EPG5: variants seen among roughly 807,000 people sequenced by gnomAD.
The protein encoded by EPG5 is ectopic P-granules 5 autophagy tethering factor.
Under a neutral mutation model 302.7 loss-of-function variants are expected in EPG5, and 159 were observed. The observed-to-expected ratio is 0.53, with a 90% confidence interval of 0.46 to 0.60. EPG5 has a LOEUF of 0.60. Ranked by LOEUF, EPG5 falls within the 20% of genes least tolerant of loss-of-function variation. The pLI, the probability that EPG5 is intolerant of heterozygous loss-of-function variation, is 0.00. For missense variants in EPG5, 2,896 were observed against 3,092.4 expected (o/e 0.94, Z 1.51); for synonymous variants, 1,158 against 1,136.8 (o/e 1.02, Z -0.37).
intron 27 of EPG5, among the ~76,000 whole-genome samples, chr18:45,893,184 T>G (rs2049389071): frequency 6.6e-6 from 1 of 152,214 alleles, no homozygotes; most frequent in Admixed American, 6.5e-5. Context: ...TGAATCCTGA[T>G]GGAGCTACTC....
intron 1 of EPG5, among the ~76,000 whole-genome samples, chr18:45,961,330 G>A (rs972723893): frequency 4.6e-5 from 7 of 152,110 alleles, no homozygotes; most frequent in Non-Finnish European, 1.0e-4. Flanking sequence ...AAAAGCTCAC[G>A]CAAGGCCCAA....
intron 1 of EPG5, among the ~76,000 whole-genome samples, chr18:45,966,345 C>A (rs188845181): frequency 8.1e-4 from 119 of 146,828 alleles, no homozygotes; most frequent in African/African-American, 2.9e-3. Context: ...CACTGCACTC[C>A]GGCCTGGGCG....
Position 45,867,603 on chromosome 18 carries a change from A to G in EPG5, c.6371T>C (p.Met2124Thr), listed in dbSNP as rs745678786. The G allele has an allele frequency of 3.1e-6, 5 of 1,614,142 alleles. No homozygotes were observed. The highest frequency in any genetic ancestry group is 4.2e-6 in the Non-Finnish European group (5 of 1,180,008). Residue 2124 changes from methionine to threonine, a missense_variant, in exon 37 of 44, where the codon ATG becomes ACG. Met to Thr is a moderately conservative substitution (Grantham distance 81). Transcript: ENST00000282041. The stretch of plus-strand genomic sequence containing the variant: ...TTGAACTTCCTTTGCCAATAAAATC[A>G]TCATGAAAAGGAGGCAGACAATCAT... ...RSMIVCLLFM[M>T]ILLAKEVQLV...
chr18:45,879,026 G>A lies in EPG5; in HGVS notation c.5856C>T (p.Ala1952=), dbSNP rs1485855637. ...GAAGTATATTACCTGTTTTCCTGCTGGCAGTTGGGTCTTGGGCCAAACAGG... is the reference window on the plus strand; with the variant it reads ...GAAGTATATTACCTGTTTTCCTGCTAGCAGTTGGGTCTTGGGCCAAACAGG... ...EMTCLAQDPT[A]SRKTVLKSLH... Residue 1952 remains alanine, a synonymous_variant, in exon 33 of 44, where the codon GCC becomes GCT. Coordinates refer to ENST00000282041, the MANE Select transcript of EPG5 (RefSeq NM_020964.3). 1.2e-6 allele frequency: 2 copies of A among 1,613,894 alleles called. No homozygotes were observed. Among genetic ancestry groups the A allele is most frequent in the Non-Finnish European group, 1.7e-6 (2 of 1,179,918 alleles).
At chr18:45,889,666 G>A (rs751873978) in intron 28 of EPG5, 132 bp downstream of exon 28, 37 of 664,890 alleles carry the variant, frequency 5.6e-5, no homozygotes, top group Non-Finnish European at 8.3e-5. Flanking sequence ...TGACTCAAAG[G>A]CCGTAGTTTG....
intron 39 of EPG5, among the ~76,000 whole-genome samples, chr18:45,863,545 C>T (rs1432520489): frequency 6.6e-6 from 1 of 152,186 alleles, no homozygotes; most frequent in Non-Finnish European, 1.5e-5. Context: ...AACTCAACCT[C>T]CTTCCTAGCA....
At chr18:45,829,403 C>T in the EPG5 span, among the ~76,000 whole-genome samples, 2 of 152,226 alleles carry the variant, frequency 1.3e-5, no homozygotes, top group Admixed American at 6.5e-5. Flanking sequence ...CATTCTTGCC[C>T]TTTCTCTGCT....
intron 35 of EPG5, among the ~76,000 whole-genome samples, chr18:45,875,978 A>C (rs1297991887): frequency 6.6e-6 from 1 of 151,854 alleles, no homozygotes; most frequent in Non-Finnish European, 1.5e-5. Flanking sequence ...AATTGCTTGA[A>C]TCTGGGAGGC....
At chr18:45,861,609 A>G (rs192084965) in intron 39 of EPG5, among the ~76,000 whole-genome samples, 1 of 152,308 alleles carries the variant, frequency 6.6e-6, no homozygotes, top group East Asian at 1.9e-4. Context: ...GCTTGCTGAT[A>G]GTTTTTTTCC....
At chr18:45,802,185 G>C in the EPG5 span, among the ~76,000 whole-genome samples, 12 of 152,134 alleles carry the variant, frequency 7.9e-5, no homozygotes, top group Non-Finnish European at 7.3e-5. Context: ...TCTCCAGTCA[G>C]GGAAGACTGA....
At chr18:45,926,771 C>T (rs1465280870) in intron 13 of EPG5, among the ~76,000 whole-genome samples, 2 of 150,644 alleles carry the variant, frequency 1.3e-5, no homozygotes, top group African/African-American at 4.9e-5. Context: ...GAGATTGAAC[C>T]ACTGCACTCC....
At chr18:45,835,860 G>C in the EPG5 span, among the ~76,000 whole-genome samples, 4 of 152,262 alleles carry the variant, frequency 2.6e-5, no homozygotes, top group African/African-American at 9.6e-5. Context: ...GAAGGAAGAG[G>C]ACAGTGAGGA....
intron 24 of EPG5, among the ~76,000 whole-genome samples, chr18:45,904,984 G>A (rs556220517): frequency 9.3e-4 from 141 of 152,216 alleles, no homozygotes; most frequent in Non-Finnish European, 1.8e-3. Context: ...AGGGGGAGAA[G>A]AGCATGCCCA....
At chr18:45,815,637 A>G in the EPG5 span, among the ~76,000 whole-genome samples, 1 of 152,208 alleles carries the variant, frequency 6.6e-6, no homozygotes, top group Non-Finnish European at 1.5e-5. Flanking sequence ...GAAAGAAACC[A>G]TAGATGACAC....
the EPG5 span, among the ~76,000 whole-genome samples, chr18:45,815,945 T>C: frequency 1.5e-4 from 23 of 152,104 alleles, no homozygotes; most frequent in Admixed American, 1.3e-3. Flanking sequence ...AATAGGCACA[T>C]AGACTAATGG....
In EPG5 at chr18:45,967,272, T is replaced by C; in HGVS notation, c.-33A>G. 1 of 1,557,094 alleles carries C rather than the reference T, an allele frequency of 6.4e-7. No individual in the cohort carries two copies. The highest frequency in any genetic ancestry group is 8.7e-7 in the Non-Finnish European group (1 of 1,150,366). ...TCCGCGGCGCCGTCACCGTTTGTTT[T>C]TGTCAAACCCCTGCGCTTCAAGCAA... On this transcript the variant is annotated 5_prime_UTR_variant, in exon 1 of 44. Transcript: ENST00000282041.
rs376329292 is a variant in EPG5, at chr18:45,900,263, G to A, written c.4647-697C>T. On this transcript the variant is annotated intron_variant, in intron 26 of 43. Coordinates refer to ENST00000282041, the MANE Select transcript of EPG5 (RefSeq NM_020964.3). ...TAAAAATACAAAAAATTAGCCAGGCGTGGTAGTGGGCGCCTATAGTCCCAG... is the reference window on the plus strand; with the variant it reads ...TAAAAATACAAAAAATTAGCCAGGCATGGTAGTGGGCGCCTATAGTCCCAG... Among the ~76,000 whole-genome samples the A allele has an allele frequency of 7.2e-5, 11 of 152,182 alleles. No homozygotes were observed. The South Asian group carries it at 1.0e-3, about 14-fold the overall frequency.
chr18:45,929,785 C>T (rs1443507373), intron 12 of EPG5, among the ~76,000 whole-genome samples: 1 of 152,122 alleles, frequency 6.6e-6, no homozygotes, highest in African/African-American at 2.4e-5. Context: ...CCAGATCCAT[C>T]GAGATCTTAA....
intron 13 of EPG5, among the ~76,000 whole-genome samples, chr18:45,927,159 A>C (rs1033858265): frequency 1.2e-4 from 18 of 151,520 alleles, no homozygotes; most frequent in African/African-American, 3.9e-4. Flanking sequence ...CAGCCTCCTG[A>C]GTAGCTGGGA....
Sources: gnomAD v4.1 joint callset for allele counts (sites outside exome capture counted in the v4.1 genomes callset) on GRCh38, gnomAD v4.1.1 for gene constraint, MANE v1.5 for transcripts, NCBI Gene and HGNC (gene_info 2026-07-23, HGNC 2026-07-21) for gene names.